CNTN5: variants seen among roughly 807,000 people sequenced by gnomAD.
The protein encoded by CNTN5 is contactin-5.
A neutral mutation model predicts 129.1 loss-of-function variants in CNTN5; 77 were observed. The observed-to-expected ratio is 0.60, with a 90% confidence interval of 0.50 to 0.72. The LOEUF is 0.72. Ranked by LOEUF, CNTN5 falls within the 30% of genes least tolerant of loss-of-function variation. CNTN5 has a pLI of 0.00. For missense variants in CNTN5, 1,478 were observed against 1,328.8 expected (o/e 1.11, Z -1.75); for synonymous variants, 509 against 465.6 (o/e 1.09, Z -1.20).
intron 4 of CNTN5, among the ~76,000 whole-genome samples, chr11:99,836,124 G>GT (rs796348652): frequency 0.064 from 8,639 of 134,532 alleles, 251 homozygotes; most frequent in South Asian, 0.11. Flanking sequence ...GCCTCCCCTT[G>GT]TTTTTTTTTT....
At chr11:99,860,307 T>G (rs900423351) in intron 6 of CNTN5, among the ~76,000 whole-genome samples, 2 of 152,172 alleles carry the variant, frequency 1.3e-5, no homozygotes, top group Non-Finnish European at 2.9e-5. Flanking sequence ...ATTTTTAGTT[T>G]AGTTAGGTGT....
intron 1 of CNTN5, among the ~76,000 whole-genome samples, chr11:99,121,286 C>A (rs1274580997): frequency 6.6e-6 from 1 of 152,054 alleles, no homozygotes; most frequent in Non-Finnish European, 1.5e-5. Flanking sequence ...AGGCACTCAC[C>A]ACCATGCCCA....
intron 3 of CNTN5, among the ~76,000 whole-genome samples, chr11:99,759,391 CA>C: frequency 6.6e-6 from 1 of 151,954 alleles, no homozygotes; most frequent in Non-Finnish European, 1.5e-5. Flanking sequence ...AAAACAAATT[CA>C]GACATTGCCA....
chr11:99,343,065 A>G (rs1308924275), intron 2 of CNTN5, among the ~76,000 whole-genome samples: 1 of 152,184 alleles, frequency 6.6e-6, no homozygotes, highest in African/African-American at 2.4e-5. Flanking sequence ...TGGATCCAGA[A>G]TAGAGGATGC....
intron 3 of CNTN5, among the ~76,000 whole-genome samples, chr11:99,691,478 C>G (rs1465410154): frequency 6.6e-6 from 1 of 151,952 alleles, no homozygotes; most frequent in East Asian, 1.9e-4. Flanking sequence ...CAAATAACTT[C>G]CTGATTTGTG....
At chr11:100,003,843 A>G (rs779044793) in intron 9 of CNTN5, 1 of 152,206 alleles carries the variant, frequency 6.6e-6, no homozygotes, top group Admixed American at 6.5e-5. Context: ...GCTTCACTCA[A>G]GAAGGTCTCT....
intron 22 of CNTN5, 64 bp from the exon 23 acceptor site, chr11:100,341,029 A>G: frequency 8.4e-7 from 1 of 1,194,318 alleles, no homozygotes; most frequent in Non-Finnish European, 1.2e-6. Flanking sequence ...ATACTCACAA[A>G]GAATTAAATG....
intron 13 of CNTN5, among the ~76,000 whole-genome samples, chr11:100,095,633 T>G (rs1012222736): frequency 6.6e-6 from 1 of 152,094 alleles, no homozygotes; most frequent in Non-Finnish European, 1.5e-5. Flanking sequence ...GAGCAAGATG[T>G]TGTTTGAAAT....
chr11:99,226,337 C>T (rs950568904), intron 1 of CNTN5, among the ~76,000 whole-genome samples: 1 of 152,062 alleles, frequency 6.6e-6, no homozygotes, highest in African/African-American at 2.4e-5. Flanking sequence ...GATGTGGCAC[C>T]AAATATTTAT....
At chr11:99,473,767 T>C (rs189582426) in intron 2 of CNTN5, among the ~76,000 whole-genome samples, 2 of 152,158 alleles carry the variant, frequency 1.3e-5, no homozygotes, top group East Asian at 1.9e-4. Flanking sequence ...GTCTTTATTA[T>C]ATCAAATAAT....
intron 9 of CNTN5, among the ~76,000 whole-genome samples, chr11:100,024,183 G>A (rs2137578181): frequency 6.6e-6 from 1 of 152,262 alleles, no homozygotes; most frequent in Admixed American, 6.5e-5. Flanking sequence ...ATGATAGTGA[G>A]TGAGTTCTCA....
chr11:99,743,489 C>T (rs1565482525), intron 3 of CNTN5, among the ~76,000 whole-genome samples: 1 of 152,108 alleles, frequency 6.6e-6, no homozygotes, highest in Non-Finnish European at 1.5e-5. Flanking sequence ...AGTTATTAAC[C>T]CTCCTGAATC....
chr11:100,074,584 C>T (rs1944053747), intron 13 of CNTN5, among the ~76,000 whole-genome samples: 1 of 152,084 alleles, frequency 6.6e-6, no homozygotes, highest in African/African-American at 2.4e-5. Flanking sequence ...TTTCATCTTG[C>T]TTCTGCATTT....
At chr11:100,057,799 A>T (rs993748417) in intron 9 of CNTN5, among the ~76,000 whole-genome samples, 3 of 151,990 alleles carry the variant, frequency 2.0e-5, no homozygotes, top group African/African-American at 7.2e-5. Context: ...CAGAAAACAT[A>T]TATTCATACC....
intron 13 of CNTN5, among the ~76,000 whole-genome samples, chr11:100,097,333 T>A (rs1945042569): frequency 6.6e-6 from 1 of 152,094 alleles, no homozygotes; most frequent in Non-Finnish European, 1.5e-5. Context: ...CCTCTCCTAA[T>A]ATTCAGCCAA....
At chr11:99,613,140 G>A (rs770562299) in intron 3 of CNTN5, among the ~76,000 whole-genome samples, 3 of 152,140 alleles carry the variant, frequency 2.0e-5, no homozygotes, top group Non-Finnish European at 4.4e-5. Context: ...AGGATGATAT[G>A]GTTAGGCTTT....
intron 1 of CNTN5, among the ~76,000 whole-genome samples, chr11:99,076,960 A>C (rs910961680): frequency 1.2e-4 from 19 of 152,258 alleles, no homozygotes; most frequent in Middle Eastern, 3.4e-3. Flanking sequence ...AACCAAACCA[A>C]TCATACTGTT....
chr11:99,645,438 A>G (rs1951922629), intron 3 of CNTN5, among the ~76,000 whole-genome samples: 1 of 152,066 alleles, frequency 6.6e-6, no homozygotes, highest in Non-Finnish European at 1.5e-5. Context: ...TCCTTGAGGA[A>G]TCGCCACACT....
At chr11:100,294,284 A>C (rs1332230254) in intron 18 of CNTN5, among the ~76,000 whole-genome samples, 1 of 151,782 alleles carries the variant, frequency 6.6e-6, no homozygotes, top group African/African-American at 2.4e-5. Context: ...CAACCTACTG[A>C]GAAGTCCTTT....
Sources: allele counts gnomAD v4.1 joint callset (sites outside exome capture counted in the v4.1 genomes callset), GRCh38; gene constraint gnomAD v4.1.1; transcripts MANE v1.5; gene names NCBI Gene and HGNC (gene_info 2026-07-23, HGNC 2026-07-21).